Variants in PCDHGA2 observed in about 807,000 individuals in gnomAD.
The protein encoded by PCDHGA2 is protocadherin gamma subfamily A, 2.
A neutral mutation model predicts 59.2 loss-of-function variants in PCDHGA2; 40 were observed. That is an observed-to-expected ratio of 0.68 (90% CI 0.52 to 0.88). The LOEUF is 0.88. Ranked by LOEUF, PCDHGA2 falls within the 40% of genes least tolerant of loss-of-function variation. The probability of loss-of-function intolerance (pLI) is 0.00; values close to 1 mark genes in which losing one functional copy is unlikely to be tolerated. For missense variants in PCDHGA2, 1,226 were observed against 1,204.0 expected, an observed-to-expected ratio of 1.02 and a Z score of -0.27; for synonymous variants, 560 against 526.0, an observed-to-expected ratio of 1.06 and a Z score of -0.89.
At chr5:141,470,508 G>A (rs947583701) in intron 1 of PCDHGA2, among the ~76,000 whole-genome samples, 10 of 152,176 alleles carry the variant, frequency 6.6e-5, no homozygotes, top group African/African-American at 2.4e-4. Flanking sequence ...TAATTAGACA[G>A]TTAGCTAATA....
At position 141,432,480 on chromosome 5, in the gene PCDHGA2, G is replaced by C; in HGVS notation, c.2425-62327G>C. ...GCCCTCCCCACGGACGGTTCCACTGGCGTGGAGCTGGCTCCCCGCTCCGCA... is the reference window on the plus strand; with the variant it reads ...GCCCTCCCCACGGACGGTTCCACTGCCGTGGAGCTGGCTCCCCGCTCCGCA... On this transcript the variant is annotated intron_variant, in intron 1 of 3. Coordinates refer to ENST00000394576, the MANE Select transcript of PCDHGA2 (RefSeq NM_018915.4). The surrounding 1 kb of genome is among the most constrained non-coding windows in gnomAD (Gnocchi z 6.0). 6 of 1,614,180 alleles carry C rather than the reference G, an allele frequency of 3.7e-6. No homozygotes were observed. Among genetic ancestry groups the C allele is most frequent in the Non-Finnish European group, 5.1e-6 (6 of 1,180,044 alleles).
Position 141,477,653 on chromosome 5 carries a change from A to C in PCDHGA2, c.2425-17154A>C. ...GCTAGTGGGTCGCTATTTCACAATA[A>C]ATCGTGACAATGGCATAGTGTCATC... On this transcript the variant is annotated intron_variant, in intron 1 of 3. Transcript: ENST00000394576. The surrounding 1 kb of genome is among the most constrained non-coding windows in gnomAD (Gnocchi z 4.9). The C allele has an allele frequency of 1.2e-6, 2 of 1,614,204 alleles. No individual in the cohort carries two copies. Among genetic ancestry groups the C allele is most frequent in the Non-Finnish European group, 1.7e-6 (2 of 1,180,036 alleles).
intron 1 of PCDHGA2, among the ~76,000 whole-genome samples, chr5:141,463,736 G>A (rs757788192): frequency 1.3e-5 from 2 of 151,992 alleles, no homozygotes; most frequent in East Asian, 3.9e-4. Flanking sequence ...ATGAGCCACC[G>A]CGCCCGGCCT....
chr5:141,388,903 A>G (rs910200040), intron 1 of PCDHGA2: 14 of 1,614,010 alleles, frequency 8.7e-6, no homozygotes, highest in Non-Finnish European at 1.2e-5. Flanking sequence ...GATGAAAATG[A>G]CAACGCCCCA....
At chr5:141,355,699 C>G in intron 1 of PCDHGA2, 1 of 1,613,950 alleles carries the variant, frequency 6.2e-7, no homozygotes, top group African/African-American at 1.3e-5. Flanking sequence ...TGTAAACTCC[C>G]TGCAGGGTTA....
At position 141,404,344 on chromosome 5, in the gene PCDHGA2, C is replaced by T. The variant is rs755599341; in HGVS notation, c.2424+62949C>T. 1.1e-5 allele frequency: 18 copies of T among 1,613,954 alleles called. No homozygotes were observed. In the East Asian group the frequency reaches 3.8e-4, roughly 34 times the overall value. ...CCTACTCAGTCTACCTCCCGGAAAA[C>T]AACGCCAGAGGTACTTCCATCTTCT... On this transcript the variant is annotated intron_variant, in intron 1 of 3. Coordinates refer to ENST00000394576, the MANE Select transcript of PCDHGA2 (RefSeq NM_018915.4).
At chr5:141,452,016 A>G (rs988436326) in intron 1 of PCDHGA2, among the ~76,000 whole-genome samples, 5 of 152,084 alleles carry the variant, frequency 3.3e-5, no homozygotes, top group Non-Finnish European at 5.9e-5. Flanking sequence ...TCCAGCCCAC[A>G]CTCTGGGGAG....
At chr5:141,429,039 A>G (rs565483195) in intron 1 of PCDHGA2, 1 of 152,202 alleles carries the variant, frequency 6.6e-6, no homozygotes, top group East Asian at 1.9e-4. Flanking sequence ...CATTTTTAGT[A>G]CAGACGGGGT....
Position 141,421,742 on chromosome 5 carries a change from A to G in PCDHGA2, c.2425-73065A>G, listed in dbSNP as rs772984365. The stretch of plus-strand genomic sequence containing the variant: ...GGCGTGAACTCCCTCCAGAGCTACC[A>G]GCTCAGCCCTAATAATTACTTTTCC... On this transcript the variant is annotated intron_variant, in intron 1 of 3. Transcript: ENST00000394576. The G allele has an allele frequency of 4.3e-6, 7 of 1,613,826 alleles. No individual in the cohort carries two copies. The East Asian group carries it at 1.3e-4, about 31-fold the overall frequency.
At chr5:141,374,076 A>AGCCAGTAATGGCGCCTCCGCAGAGGC (rs1770087883) in intron 1 of PCDHGA2, 1 of 1,514,538 alleles carries the variant, frequency 6.6e-7, no homozygotes, top group Non-Finnish European at 8.8e-7. Flanking sequence ...GTTCCTAATA[A>AGCCAGTAATGGCGCCTCCGCAGAGGC]GCCAGTAATG....
intron 1 of PCDHGA2, chr5:141,393,503 G>T: frequency 6.2e-7 from 1 of 1,614,028 alleles, no homozygotes; most frequent in Non-Finnish European, 8.5e-7. Context: ...GCATCCACGT[G>T]ACAGTGTTGG....
intron 1 of PCDHGA2, among the ~76,000 whole-genome samples, chr5:141,435,715 A>G (rs528951395): frequency 6.6e-6 from 1 of 152,328 alleles, no homozygotes; most frequent in African/African-American, 2.4e-5. Context: ...ACAGACACTG[A>G]ATGCTAAAGT....
At chr5:141,470,202 A>G (rs928782890) in intron 1 of PCDHGA2, among the ~76,000 whole-genome samples, 9 of 152,216 alleles carry the variant, frequency 5.9e-5, no homozygotes, top group Non-Finnish European at 1.2e-4. Flanking sequence ...GATAAATATG[A>G]AGGCTAAACC....
intron 1 of PCDHGA2, chr5:141,372,387 G>T (rs771030632): frequency 3.7e-6 from 6 of 1,613,898 alleles, no homozygotes; most frequent in Non-Finnish European, 5.1e-6. Flanking sequence ...CCTAATCTTC[G>T]CAGATAGCTT....
rs572457971 is a variant in PCDHGA2, at chr5:141,426,319, C to T, written c.2425-68488C>T. The T allele has an allele frequency of 1.5e-3, 257 of 175,598 alleles. 1 individual carries two copies. Among genetic ancestry groups the T allele is most frequent in the Non-Finnish European group, 1.2e-3 (99 of 79,820 alleles). 10.9% of individuals were successfully genotyped at this position (175,598 alleles called of 1,614,324 possible). ...CAGGGTGAAGCAGAGAAGCAGGACC[C>T]GGCAGTGGCAAGCACTCTTCCCTTT... is the stretch of plus-strand genomic sequence containing the variant. On this transcript the variant is annotated intron_variant, in intron 1 of 3. Coordinates refer to ENST00000394576, the MANE Select transcript of PCDHGA2 (RefSeq NM_018915.4).
At chr5:141,362,537 C>A in intron 1 of PCDHGA2, 1 of 1,613,822 alleles carries the variant, frequency 6.2e-7, no homozygotes, top group Non-Finnish European at 8.5e-7. Context: ...GTCCCTTTTG[C>A]CTCAGATACT....
chr5:141,404,545 G>A (rs763601254), intron 1 of PCDHGA2: 1 of 1,613,940 alleles, frequency 6.2e-7, no homozygotes, highest in Admixed American at 1.7e-5. Context: ...TGCAAATGCA[G>A]GTGACGGCAA....
intron 1 of PCDHGA2, chr5:141,422,035 C>A: frequency 6.2e-7 from 1 of 1,611,086 alleles, no homozygotes; most frequent in South Asian, 1.1e-5. Flanking sequence ...TGCAACGGAT[C>A]CAGACGAGGG....
chr5:141,438,631 TATATAC>T (rs1271580663), intron 1 of PCDHGA2, among the ~76,000 whole-genome samples: 5,390 of 42,476 alleles, frequency 0.13, 146 homozygotes, highest in Non-Finnish European at 0.16. Context: ...TATATATATA[TATATAC>T]ACACACACAC....
Sources: gnomAD v4.1 joint callset for allele counts (sites outside exome capture counted in the v4.1 genomes callset) on GRCh38, gnomAD v4.1.1 for gene constraint, Gnocchi (gnomAD v3.1) non-coding constraint, MANE v1.5 for transcripts, NCBI Gene and HGNC (gene_info 2026-07-23, HGNC 2026-07-21) for gene names.